Variants in C5 observed in about 807,000 individuals in gnomAD.
The protein encoded by C5 is complement C5, also known as C3 and PZP-like alpha-2-macroglobulin domain-containing protein 4.
Under a neutral mutation model 218.8 loss-of-function variants are expected in C5, and 140 were observed. That is an observed-to-expected ratio of 0.64 (90% CI 0.56 to 0.74). The LOEUF is 0.74. C5 is among the 30% of genes least tolerant of loss of function. C5 has a pLI of 0.00. For missense variants in C5, 1,700 were observed against 1,969.6 expected (o/e 0.86, Z 2.59); for synonymous variants, 614 against 682.3 (o/e 0.90, Z 1.56).
Position 120,989,671 on chromosome 9 carries a change from T to C in C5, c.3051A>G (p.Pro1017=), listed in dbSNP as rs571650450. The C allele has an allele frequency of 3.1e-6, 5 of 1,613,790 alleles. No individual in the cohort carries two copies. In the African/African-American group the frequency reaches 4.0e-5, roughly 13 times the overall value. ...SAEAELMSVV[P]VFYVFHYLET... is the part of the protein sequence containing the mutation. Reference sequence around the variant, plus strand: ...CCAGGTAGTGAAAAACATAGAATACTGGGACAACGCTCATCAGCTCCGCCT... The same window carrying C: ...CCAGGTAGTGAAAAACATAGAATACCGGGACAACGCTCATCAGCTCCGCCT... Residue 1017 remains proline, a synonymous_variant, in exon 24 of 41, where the codon CCA becomes CCG. Transcript: ENST00000223642.
intron 38 of C5, among the ~76,000 whole-genome samples, chr9:120,959,264 CTT>C (rs747502247): frequency 1.4e-5 from 1 of 73,308 alleles, no homozygotes. Context: ...TTCTTTCTTT[CTT>C]TTTTTTTTTG....
At chr9:121,022,483 G>GTA (rs1238707703) in intron 10 of C5, among the ~76,000 whole-genome samples, 2 of 147,926 alleles carry the variant, frequency 1.4e-5, no homozygotes, top group Non-Finnish European at 3.0e-5. Flanking sequence ...TCTATATATA[G>GTA]TATATATATG....
Position 121,023,530 on chromosome 9 carries a change from G to A in C5, c.1001-11C>T. On this transcript the variant is annotated splice_polypyrimidine_tract_variant and intron_variant, in intron 9 of 40. Transcript: ENST00000223642. ...CTTCAGAAAATCCACCTAAGGAAAT[G>A]GCAAGCATCATGTTGACAGTTTTTA... 1.3e-6 allele frequency: 2 copies of A among 1,491,110 alleles called. No individual in the cohort carries two copies. Among genetic ancestry groups the A allele is most frequent in the Non-Finnish European group, 1.9e-6 (2 of 1,067,758 alleles). The allele number at this position is 1,491,110 out of a possible 1,614,324, so 92.4% of individuals were successfully genotyped here.
Position 121,017,800 on chromosome 9 carries a change from T to C in C5, c.1559A>G (p.Asp520Gly), listed in dbSNP as rs756073957. The change falls in exon 13 of 41, where the codon GAT becomes GGT. Residue 520 changes from aspartate (D) to glycine (G), a missense_variant. Transcript: ENST00000223642. ...IHFGTREKFS[D>G]ASYQSINIPV... ...AATGTTTATACTTTGATAAGATGCA[T>C]CTGAAAATTTCTCCCTCGTGCCAAA... is the stretch of plus-strand genomic sequence containing the variant. 1 of 1,613,862 alleles carries C rather than the reference T, an allele frequency of 6.2e-7. No homozygotes were observed. Among genetic ancestry groups the C allele is most frequent in the Non-Finnish European group, 8.5e-7 (1 of 1,179,886 alleles).
At chr9:120,978,152 C>T (rs575408779) in intron 28 of C5, among the ~76,000 whole-genome samples, 1 of 152,138 alleles carries the variant, frequency 6.6e-6, no homozygotes, top group South Asian at 2.1e-4. Context: ...AAGACAATTT[C>T]GTACATGCAG....
intron 3 of C5, among the ~76,000 whole-genome samples, chr9:121,039,647 A>C (rs961971167): frequency 1.1e-4 from 17 of 152,158 alleles, no homozygotes; most frequent in Admixed American, 1.1e-3. Context: ...AATAAAAATA[A>C]AAATAAAAGA....
rs2047125421 is a variant in C5, at chr9:120,997,406, A to G, written c.2790+141T>C. 1.6e-5 allele frequency: 11 copies of G among 681,468 alleles called. No homozygotes were observed. The East Asian group carries it at 3.0e-4, about 19-fold the overall frequency. 42.2% of individuals were successfully genotyped at this position (681,468 alleles called of 1,614,324 possible). A position where few individuals can be genotyped will look rare whatever the true frequency, so the allele number is the denominator to read the frequency against. ...AGAAAAATTGCAAGAATAGTACAAA[A>G]AAAATCTGGAATAACCTCCATCCAG... On this transcript the variant is annotated intron_variant, in intron 21 of 40. Coordinates refer to ENST00000223642, the MANE Select transcript of C5 (RefSeq NM_001735.3).
At chr9:121,045,574 G>A (rs1198178564) in intron 2 of C5, among the ~76,000 whole-genome samples, 7 of 151,910 alleles carry the variant, frequency 4.6e-5, no homozygotes, top group African/African-American at 1.7e-4. Context: ...CCCATTTTAC[G>A]TCTGATATTC....
At chr9:121,039,881 C>T (rs373289250) in intron 3 of C5, among the ~76,000 whole-genome samples, 3 of 152,236 alleles carry the variant, frequency 2.0e-5, no homozygotes, top group African/African-American at 7.2e-5. Flanking sequence ...TTGTGATCCG[C>T]CTGCCTCGGC....
the C5 span, among the ~76,000 whole-genome samples, chr9:121,062,372 T>C: frequency 6.7e-6 from 1 of 149,498 alleles, no homozygotes; most frequent in African/African-American, 2.5e-5. Flanking sequence ...GATAAAATTA[T>C]TAATAAATGC....
chr9:121,031,716 T>G (rs1424915862), intron 6 of C5, among the ~76,000 whole-genome samples: 1 of 152,190 alleles, frequency 6.6e-6, no homozygotes, highest in Non-Finnish European at 1.5e-5. Flanking sequence ...GGGAATAATT[T>G]TGCATTAACT....
chr9:121,016,831 A>G (rs2047311396), intron 14 of C5, among the ~76,000 whole-genome samples: 1 of 152,154 alleles, frequency 6.6e-6, no homozygotes, highest in Admixed American at 6.5e-5. Flanking sequence ...ACTTGTTTGG[A>G]CAGGCTTATT....
At chr9:121,030,094 C>G (rs1244078284) in intron 7 of C5, among the ~76,000 whole-genome samples, 1 of 152,234 alleles carries the variant, frequency 6.6e-6, no homozygotes, top group East Asian at 1.9e-4. Context: ...GAAGTGAATC[C>G]TTCATATCTC....
chr9:120,978,351 G>T (rs1588173527), intron 28 of C5, among the ~76,000 whole-genome samples: 1 of 152,278 alleles, frequency 6.6e-6, no homozygotes, highest in Admixed American at 6.5e-5. Flanking sequence ...CCTTGAAAAT[G>T]ATATTGACCC....
rs762361649 is a variant in C5 at position 121,017,472 on chromosome 9, G to T, written c.1756C>A (p.Gln586Lys). 2 of 1,613,836 alleles carry T rather than the reference G, an allele frequency of 1.2e-6. No homozygotes were observed. Among genetic ancestry groups the T allele is most frequent in the South Asian group, 2.2e-5 (2 of 91,076 alleles). ...GTTGCCATATTAAGAGACACAGTTT[G>T]GCCTGGAGAATATGCATCTGCATCA... ...SPDADAYSPG[Q>K]TVSLNMATGM... is the part of the protein sequence containing the mutation. Residue 586 changes from glutamine to lysine, a missense_variant, in exon 14 of 41, where the codon CAA becomes AAA. By Grantham distance (53) the Gln-to-Lys change is moderately conservative (BLOSUM62 1). Coordinates refer to ENST00000223642, the MANE Select transcript of C5 (RefSeq NM_001735.3).
intron 20 of C5, among the ~76,000 whole-genome samples, chr9:121,005,203 T>C (rs866518994): frequency 2.4e-4 from 37 of 152,184 alleles, no homozygotes; most frequent in Middle Eastern, 3.4e-3. Flanking sequence ...TCTTTAGGGG[T>C]GTGCTGGCAA....
intron 17 of C5, 40 bp from the exon 18 acceptor site, chr9:121,008,538 T>C (rs1368089569): frequency 7.1e-6 from 10 of 1,399,110 alleles, no homozygotes; most frequent in Non-Finnish European, 1.0e-5. Flanking sequence ...AAAAACAATA[T>C]AAATTCTACT....
At chr9:121,010,052 C>T (rs2047249026) in intron 17 of C5, among the ~76,000 whole-genome samples, 1 of 152,198 alleles carries the variant, frequency 6.6e-6, no homozygotes, top group Non-Finnish European at 1.5e-5. Context: ...TGCTCTAGGG[C>T]CCTAGGTTAA....
In C5 at chr9:120,960,265, T is replaced by G. The variant is rs762366774; in HGVS notation, c.4661A>C (p.Lys1554Thr). The change falls in exon 38 of 41, where the codon AAA becomes ACA. Residue 1554 changes from lysine (K) to threonine (T), a missense_variant. Physicochemically the swap from Lys to Thr is moderately conservative, Grantham distance 78. Coordinates refer to ENST00000223642, the MANE Select transcript of C5 (RefSeq NM_001735.3). Reference protein sequence around the residue: ...SAETRKQTACKPEIAYAYKVS... With the variant: ...SAETRKQTACTPEIAYAYKVS... ...GAACTCACCATATGCAATCTCTGGT[T>G]TACATGCTGTTTGTTTTCTTGTCTC... is the stretch of plus-strand genomic sequence containing the variant. The G allele has an allele frequency of 6.2e-7, 1 of 1,612,266 alleles. No homozygotes were observed. The highest frequency in any genetic ancestry group is 8.5e-7 in the Non-Finnish European group (1 of 1,178,556).
Sources: gnomAD v4.1 joint callset for allele counts (sites outside exome capture counted in the v4.1 genomes callset) on GRCh38, gnomAD v4.1.1 for gene constraint, MANE v1.5 for transcripts, NCBI Gene and HGNC (gene_info 2026-07-23, HGNC 2026-07-21) for gene names.